Variants in ASB3 observed in about 807,000 individuals in gnomAD.
The protein encoded by ASB3 is ankyrin repeat and SOCS box protein 3.
Under a neutral mutation model 54.5 loss-of-function variants are expected in ASB3, and 41 were observed. The ratio of observed to expected loss-of-function variants is 0.75; its 90% CI spans 0.59 to 0.98. ASB3 has a LOEUF of 0.98. ASB3 is among the 50% of genes least tolerant of loss of function. The pLI is 0.00. For missense variants in ASB3, 733 were observed against 620.0 expected (o/e 1.18, Z -1.94); for synonymous variants, 266 against 221.2 (o/e 1.20, Z -1.80).
chr2:53,695,547 A>G (rs965851232), intron 8 of ASB3, among the ~76,000 whole-genome samples: 3 of 152,012 alleles, frequency 2.0e-5, no homozygotes, highest in Non-Finnish European at 2.9e-5. Flanking sequence ...TACTGTGACC[A>G]AACACAAAGT....
At chr2:53,785,630 G>T (rs1674921647) in intron 1 of ASB3, among the ~76,000 whole-genome samples, 2 of 152,326 alleles carry the variant, frequency 1.3e-5, no homozygotes, top group South Asian at 4.1e-4. Context: ...ATCACCCGAG[G>T]TCAGGAGTTC....
intron 9 of ASB3, among the ~76,000 whole-genome samples, chr2:53,677,495 T>A (rs73934971): frequency 0.13 from 19,059 of 149,934 alleles, 1,626 homozygotes; most frequent in East Asian, 0.44. Flanking sequence ...AGGTTTTTTT[T>A]AAAAAAAAAC....
At chr2:53,745,513 A>G (rs899596556) in intron 3 of ASB3, among the ~76,000 whole-genome samples, 6 of 152,166 alleles carry the variant, frequency 3.9e-5, no homozygotes, top group African/African-American at 1.4e-4. Context: ...CAAACAGTGG[A>G]GCAGTCGACT....
intron 3 of ASB3, among the ~76,000 whole-genome samples, chr2:53,741,328 C>G (rs1484332155): frequency 2.0e-5 from 3 of 152,202 alleles, no homozygotes; most frequent in East Asian, 1.9e-4. Flanking sequence ...GCATGCTGTA[C>G]AGCAGGGCTA....
intron 3 of ASB3, among the ~76,000 whole-genome samples, chr2:53,744,999 C>T (rs1672147503): frequency 6.6e-6 from 1 of 152,204 alleles, no homozygotes; most frequent in Non-Finnish European, 1.5e-5. Flanking sequence ...AAGCGCATGC[C>T]ATGCAGTTCC....
At chr2:53,733,545 G>A (rs1439627000) in intron 3 of ASB3, among the ~76,000 whole-genome samples, 3 of 151,866 alleles carry the variant, frequency 2.0e-5, no homozygotes, top group African/African-American at 4.8e-5. Context: ...GGGTTCAAGC[G>A]GTTCTCCTGC....
At chr2:53,695,163 G>A (rs1297918898) in intron 8 of ASB3, among the ~76,000 whole-genome samples, 3 of 152,138 alleles carry the variant, frequency 2.0e-5, no homozygotes, top group African/African-American at 7.2e-5. Context: ...AAGGAAAGAA[G>A]ATAAACTGAA....
chr2:53,786,284 C>T (rs1048397807), intron 1 of ASB3: 4 of 152,158 alleles, frequency 2.6e-5, no homozygotes, highest in African/African-American at 7.2e-5. Context: ...AGGAACCTTA[C>T]CAGCTTCCTT....
In ASB3 at chr2:53,715,916, C is replaced by T. The variant is rs564258835; in HGVS notation, c.782+650G>A. ...AAAGTGCTATTATAGAATTATGGCT[C>T]TAAAGATTCTAAACATGTATTTCTA... On this transcript the variant is annotated intron_variant, in intron 6 of 9. Transcript: ENST00000263634. Among the ~76,000 whole-genome samples, 3 of 152,074 alleles carry T rather than the reference C, an allele frequency of 2.0e-5. No homozygotes were observed. In the South Asian group the frequency reaches 6.2e-4, roughly 32 times the overall value.
chr2:53,774,781 A>G (rs1674217372), intron 1 of ASB3: 2 of 318,008 alleles, frequency 6.3e-6, no homozygotes, highest in East Asian at 1.1e-4. Context: ...AAATACAGTG[A>G]AGGACTCAGT....
chr2:53,740,665 C>T (rs1321401115), intron 3 of ASB3, among the ~76,000 whole-genome samples: 1 of 152,156 alleles, frequency 6.6e-6, no homozygotes, highest in Admixed American at 6.5e-5. Context: ...CCATGATCTT[C>T]TGGGCAAAAC....
chr2:53,751,788 G>A (rs1672528785), intron 2 of ASB3, among the ~76,000 whole-genome samples: 1 of 152,150 alleles, frequency 6.6e-6, no homozygotes, highest in Non-Finnish European at 1.5e-5. Context: ...GAAACAAGTA[G>A]ATTAAGCCAT....
intron 1 of ASB3, chr2:53,771,868 A>C (rs745396714): frequency 5.4e-6 from 7 of 1,301,040 alleles, no homozygotes; most frequent in Non-Finnish European, 7.6e-6. Context: ...AATGAACTTT[A>C]TTAATTCAGA....
chr2:53,695,204 C>T (rs939396656), intron 8 of ASB3, among the ~76,000 whole-genome samples: 1 of 152,122 alleles, frequency 6.6e-6, no homozygotes, highest in African/African-American at 2.4e-5. Context: ...CTCAAAGACA[C>T]TTCTGGTAAT....
At position 53,681,289 on chromosome 2, in the gene ASB3, C is replaced by T. The variant is rs116024693; in HGVS notation, c.1370-10599G>A. Among the ~76,000 whole-genome samples the T allele has an allele frequency of 4.0e-3, 608 of 152,278 alleles. 1 individual carries two copies. Among genetic ancestry groups the T allele is most frequent in the Non-Finnish European group, 4.9e-3 (335 of 68,016 alleles). The stretch of plus-strand genomic sequence containing the variant: ...GTCTATTTTTAGTTTTTTGAGGAAA[C>T]TCCAAATACTTTCTCCCCTTCTGTG... On this transcript the variant is annotated intron_variant, in intron 9 of 9. Transcript: ENST00000263634.
intron 9 of ASB3, among the ~76,000 whole-genome samples, chr2:53,675,226 T>C (rs537092678): frequency 6.6e-6 from 1 of 152,152 alleles, no homozygotes; most frequent in African/African-American, 2.4e-5. Flanking sequence ...AATCTAGTGA[T>C]CTCCAAATGT....
At chr2:53,742,664 T>C (rs1345424402) in intron 3 of ASB3, among the ~76,000 whole-genome samples, 2 of 147,874 alleles carry the variant, frequency 1.4e-5, no homozygotes, top group Non-Finnish European at 3.0e-5. Flanking sequence ...AAAACAATCA[T>C]AAAAAATCCA....
chr2:53,744,406 A>G (rs78926102), intron 3 of ASB3, among the ~76,000 whole-genome samples: 1 of 150,882 alleles, frequency 6.6e-6, no homozygotes, highest in Non-Finnish European at 1.5e-5. Context: ...TAAAAAAATT[A>G]AAAAAAATAA....
At chr2:53,691,847 C>A (rs974180225) in intron 9 of ASB3, among the ~76,000 whole-genome samples, 1 of 152,070 alleles carries the variant, frequency 6.6e-6, no homozygotes, top group African/African-American at 2.4e-5. Context: ...AGAGGAAGCA[C>A]CAAAGAATAC....
Sources: gnomAD v4.1 joint callset for allele counts (sites outside exome capture counted in the v4.1 genomes callset) on GRCh38, gnomAD v4.1.1 for gene constraint, MANE v1.5 for transcripts, NCBI Gene and HGNC (gene_info 2026-07-23, HGNC 2026-07-21) for gene names.